ELP1: variants seen among roughly 807,000 people sequenced by gnomAD.
The protein encoded by ELP1 is elongator complex protein 1.
ELP1 carries 131 observed loss-of-function variants against 183.2 expected under a neutral mutation model. The ratio of observed to expected loss-of-function variants is 0.72; its 90% CI spans 0.62 to 0.83. The LOEUF is 0.83. Ranked by LOEUF, ELP1 falls within the 40% of genes least tolerant of loss-of-function variation. The pLI, the probability that ELP1 is intolerant of heterozygous loss-of-function variation, is 0.00. For synonymous variants in ELP1, 555 were observed against 569.0 expected, an observed-to-expected ratio of 0.98 and a Z score of 0.35; for missense variants, 1,550 against 1,594.9, an observed-to-expected ratio of 0.97 and a Z score of 0.48.
Position 108,919,322 on chromosome 9 carries a change from G to A in ELP1, c.580C>T (p.His194Tyr). 1 of 1,613,662 alleles carries A rather than the reference G, an allele frequency of 6.2e-7. No individual in the cohort carries two copies. Among genetic ancestry groups the A allele is most frequent in the Non-Finnish European group, 8.5e-7 (1 of 1,179,714 alleles). The change falls in exon 7 of 37, where the codon CAT becomes TAT. Residue 194 changes from histidine to tyrosine, a missense_variant. Coordinates refer to ENST00000374647, the MANE Select transcript of ELP1 (RefSeq NM_003640.5). ...CCCCGCCAGGTAACTTGTGGTCTAT[G>A]GTCATCCCAGGGCAAAGCAGACTCA... ...MHESALPWDD[H>Y]RPQVTWRGDG...
At chr9:108,902,742 A>C in intron 16 of ELP1, 97 bp downstream of exon 16, 1 of 841,948 alleles carries the variant, frequency 1.2e-6, no homozygotes, top group Non-Finnish European at 2.1e-6. Context: ...TTTAGTGGAG[A>C]CCCAAGTCCA....
At chr9:108,901,334 A>T in intron 18 of ELP1, 91 bp downstream of exon 18, 1 of 934,924 alleles carries the variant, frequency 1.1e-6, no homozygotes, top group Non-Finnish European at 1.7e-6. Flanking sequence ...CTTGATAAAA[A>T]GCCAAAATAA....
intron 19 of ELP1, 85 bp downstream of exon 19, chr9:108,900,175 C>T: frequency 1.0e-6 from 1 of 981,702 alleles, no homozygotes; most frequent in Non-Finnish European, 1.6e-6. Flanking sequence ...AATAAGAAAG[C>T]CTAAAATACA....
In ELP1 at chr9:108,901,698, C is replaced by G; in HGVS notation, c.1855-17G>C. On this transcript the variant is annotated splice_polypyrimidine_tract_variant and intron_variant, in intron 16 of 36. Coordinates refer to ENST00000374647, the MANE Select transcript of ELP1 (RefSeq NM_003640.5). ...GACACATTCCTGCAAAGAAATAAAACTGAAATCACAAGCAATTCTATCTCA... is the reference window on the plus strand; with the variant it reads ...GACACATTCCTGCAAAGAAATAAAAGTGAAATCACAAGCAATTCTATCTCA... 1.9e-6 allele frequency: 3 copies of G among 1,613,214 alleles called. No homozygotes were observed. The highest frequency in any genetic ancestry group is 1.3e-5 in the African/African-American group (1 of 75,030).
intron 36 of ELP1, among the ~76,000 whole-genome samples, chr9:108,872,816 A>C (rs1691619596): frequency 1.9e-5 from 1 of 52,336 alleles, no homozygotes; most frequent in African/African-American, 3.9e-5. Context: ...AAAAAAAAAA[A>C]AAAAAAAAAA....
At chr9:108,906,556 A>T (rs1327531306) in intron 13 of ELP1, 71 bp from the exon 14 acceptor site, 2 of 1,320,324 alleles carry the variant, frequency 1.5e-6, no homozygotes, top group Non-Finnish European at 1.1e-6. Flanking sequence ...TCCTGGATGA[A>T]GGAAGACTGA....
Position 108,918,810 on chromosome 9 carries a change from C to T in ELP1, c.740+1G>A, listed in dbSNP as rs763719304. ...TCTCTAAGGTTTCTTCTCCCACTCA[C>T]TTCCAAGCCAGGGCTGGTCCCAGTC... On this transcript the variant is annotated splice_donor_variant, in intron 8 of 36. Coordinates refer to ENST00000374647, the MANE Select transcript of ELP1 (RefSeq NM_003640.5). LOFTEE classifies it high-confidence loss of function. The T allele has an allele frequency of 6.2e-7, 1 of 1,612,656 alleles. No individual in the cohort carries two copies. The highest frequency in any genetic ancestry group is 1.1e-5 in the South Asian group (1 of 91,044).
At chr9:108,879,609 G>T in intron 32 of ELP1, 52 bp from the exon 33 acceptor site, 1 of 1,334,646 alleles carries the variant, frequency 7.5e-7, no homozygotes, top group Non-Finnish European at 1.1e-6. Context: ...TAATGTGTGG[G>T]TTTACTTTCA....
chr9:108,898,773 A>C, intron 20 of ELP1, 24 bp from the exon 21 acceptor site: 1 of 1,552,010 alleles, frequency 6.4e-7, no homozygotes, highest in Non-Finnish European at 8.9e-7. Flanking sequence ...GAGAAAGAAT[A>C]GAAAAGATAT....
rs774585995 is a variant in ELP1 at position 108,927,375 on chromosome 9, T to C, written c.382A>G (p.Thr128Ala). Residue 128 changes from threonine to alanine, a missense_variant, in exon 4 of 37, where the codon ACA (threonine) becomes GCA (alanine). Coordinates refer to ENST00000374647, the MANE Select transcript of ELP1 (RefSeq NM_003640.5). The part of the protein sequence containing the change: ...SPDQELVLLA[T>A]GQQTLIMMTK... ...GAGGCACCAGTAACAAGCTTACCTG[T>C]GGCAAGAAGCACCAGCTCTTGGTCA... 4.3e-6 allele frequency: 7 copies of C among 1,612,514 alleles called. No homozygotes were observed. The Admixed American group carries it at 5.0e-5, about 12-fold the overall frequency.
rs1481581847 is a variant in ELP1 at position 108,877,951 on chromosome 9, T to C, written c.3855+44A>G. ...GAGATTGTGTGAATACAATAACCCA[T>C]GAAAATGATGAAAAAAATGCACACC... On this transcript the variant is annotated intron_variant, in intron 35 of 36. Transcript: ENST00000374647. 5 of 1,608,646 alleles carry C rather than the reference T, an allele frequency of 3.1e-6. No individual in the cohort carries two copies. In the Admixed American group the frequency reaches 5.0e-5, roughly 16 times the overall value.
intron 31 of ELP1, 51 bp from the exon 32 acceptor site, chr9:108,880,216 A>G: frequency 8.1e-7 from 1 of 1,233,740 alleles, no homozygotes; most frequent in South Asian, 1.2e-5. Flanking sequence ...AAGCAAAGAG[A>G]AAAAACTAAA....
chr9:108,929,670 TGTA>T, intron 3 of ELP1, 96 bp downstream of exon 3: 1 of 1,199,616 alleles, frequency 8.3e-7, no homozygotes, highest in Non-Finnish European at 1.2e-6. Context: ...TTAGCAAAAG[TGTA>T]ACTATTATGG....
chr9:108,930,491 C>T (rs565602863), intron 2 of ELP1, among the ~76,000 whole-genome samples: 2 of 152,144 alleles, frequency 1.3e-5, no homozygotes, highest in South Asian at 4.2e-4. Context: ...GAGATCAAGA[C>T]CATCCTGGCT....
At chr9:108,913,984 T>C (rs1307219931) in intron 10 of ELP1, among the ~76,000 whole-genome samples, 1 of 152,214 alleles carries the variant, frequency 6.6e-6, no homozygotes, top group Non-Finnish European at 1.5e-5. Context: ...ATAATCTCCA[T>C]TCCAACACAC....
intron 24 of ELP1, 66 bp from the exon 25 acceptor site, chr9:108,896,710 C>T (rs1828561720): frequency 1.4e-6 from 2 of 1,477,286 alleles, no homozygotes; most frequent in East Asian, 2.3e-5. Flanking sequence ...GACCTAACAA[C>T]ATAACCAAAA....
intron 25 of ELP1, among the ~76,000 whole-genome samples, chr9:108,895,926 A>C (rs1166067444): frequency 6.6e-6 from 1 of 152,140 alleles, no homozygotes; most frequent in African/African-American, 2.4e-5. Context: ...TAAGAGAAGA[A>C]ATTAGCTCAC....
intron 35 of ELP1, among the ~76,000 whole-genome samples, chr9:108,875,226 A>G (rs767453610): frequency 5.9e-5 from 9 of 152,262 alleles, no homozygotes; most frequent in Non-Finnish European, 1.2e-4. Context: ...GAAACTCTAC[A>G]GTGATATATC....
rs1461491475 is a variant in ELP1 at position 108,876,761 on chromosome 9, C to T, written c.3855+1234G>A. Among the ~76,000 whole-genome samples the T allele has an allele frequency of 2.1e-5, 3 of 143,210 alleles. No individual in the cohort carries two copies. In the East Asian group the frequency reaches 6.2e-4, roughly 30 times the overall value. 94.0% of individuals were successfully genotyped at this position (143,210 alleles called of 152,430 possible). ...TTTTTTTTTTTTTTAAACGGAGATT[C>T]GCTCTTGCTGCCCAGGTTGGAGTAC... On this transcript the variant is annotated intron_variant, in intron 35 of 36. Coordinates refer to ENST00000374647, the MANE Select transcript of ELP1 (RefSeq NM_003640.5).
Sources: gnomAD v4.1 joint callset for allele counts (sites outside exome capture counted in the v4.1 genomes callset) on GRCh38, gnomAD v4.1.1 for gene constraint, MANE v1.5 for transcripts, NCBI Gene and HGNC (gene_info 2026-07-23, HGNC 2026-07-21) for gene names.